SFXN3: variants seen among roughly 807,000 people sequenced by gnomAD.
The protein encoded by SFXN3 is sideroflexin-3.
SFXN3 carries 31 observed loss-of-function variants against 40.4 expected under a neutral mutation model. That is an observed-to-expected ratio of 0.77 (90% CI 0.58 to 1.04). The LOEUF is 1.04. SFXN3 is among the 50% of genes least tolerant of loss of function. SFXN3 has a pLI of 0.00. For synonymous variants in SFXN3, 157 were observed against 160.0 expected, an observed-to-expected ratio of 0.98 and a Z score of 0.14; for missense variants, 366 against 408.2, an observed-to-expected ratio of 0.90 and a Z score of 0.89.
At chr10:101,033,536 A>T (rs1228216235) in intron 2 of SFXN3, among the ~76,000 whole-genome samples, 3 of 152,050 alleles carry the variant, frequency 2.0e-5, no homozygotes, top group Non-Finnish European at 1.5e-5. Flanking sequence ...ACCTAGTTGA[A>T]GGGGTGGCCT....
rs1938809649 is a variant in SFXN3, at chr10:101,039,730, G to GCTA, written c.*145_*146insCTA. 7.1e-6 allele frequency: 5 copies of GCTA among 706,696 alleles called. No homozygotes were observed. The South Asian group carries it at 8.5e-5, about 12-fold the overall frequency. The allele number at this position is 706,696 out of a possible 1,614,324, so 43.8% of individuals were successfully genotyped here. A position where few individuals can be genotyped will look rare whatever the true frequency, so the allele number is the denominator to read the frequency against. On this transcript the variant is annotated 3_prime_UTR_variant, in exon 12 of 12. Transcript: ENST00000393459. This position sits in a 1 kb window ranked among gnomAD's most constrained non-coding sequence, Gnocchi z 4.6. ...CAATTGAGGGTAGCAACCTATTAGG[G>GCTA]TGGGGGAGGGACCTCCATAAGGCTT...
At chr10:101,038,599 G>T (rs746039656) in intron 9 of SFXN3, 44 bp from the exon 10 acceptor site, 4 of 1,613,678 alleles carry the variant, frequency 2.5e-6, no homozygotes, top group Non-Finnish European at 2.5e-6. Context: ...TGACAGTGAG[G>T]CAGGGGACAC....
intron 2 of SFXN3, 89 bp downstream of exon 2, chr10:101,032,571 C>G: frequency 7.2e-7 from 1 of 1,392,968 alleles, no homozygotes. Flanking sequence ...CTGGTGCAGT[C>G]AATGTCCTCG....
chr10:101,034,945 C>T (rs1243813341), intron 3 of SFXN3, 90 bp downstream of exon 3: 2 of 1,485,262 alleles, frequency 1.3e-6, no homozygotes, highest in Non-Finnish European at 1.8e-6. Flanking sequence ...TCAAGCTTGA[C>T]AGTGACCCTG....
rs1938640039 is a variant in SFXN3 at position 101,036,977 on chromosome 10, C to T, written c.594-99C>T. The stretch of plus-strand genomic sequence containing the variant: ...CAGGTGGGAGAACCAGCCTTTGAGC[C>T]TGGGGTGTGTGAGGGGACCCTGAGG... On this transcript the variant is annotated intron_variant, in intron 7 of 11. Coordinates refer to ENST00000393459, the Ensembl canonical transcript of SFXN3. The surrounding 1 kb of genome is among the most constrained non-coding windows in gnomAD (Gnocchi z 4.2). 3 of 1,553,750 alleles carry T rather than the reference C, an allele frequency of 1.9e-6. No individual in the cohort carries two copies. Among genetic ancestry groups the T allele is most frequent in the Non-Finnish European group, 2.6e-6 (3 of 1,148,982 alleles).
intron 1 of SFXN3, 137 bp downstream of exon 1, chr10:101,031,671 C>T (rs563332112): frequency 6.6e-6 from 1 of 152,370 alleles, no homozygotes; most frequent in East Asian, 1.9e-4. Context: ...CCGGAAGAAT[C>T]CTAAGAATCC....
At position 101,039,385 on chromosome 10, in the gene SFXN3, A is replaced by AAGG; in HGVS notation, c.870-101_870-99dup. 1.6e-6 allele frequency: 2 copies of AAGG among 1,256,444 alleles called. No homozygotes were observed. The highest frequency in any genetic ancestry group is 1.2e-6 in the Non-Finnish European group (1 of 858,446). 77.8% of individuals were successfully genotyped at this position (1,256,444 alleles called of 1,614,324 possible). A position where few individuals can be genotyped will look rare whatever the true frequency, so the allele number is the denominator to read the frequency against. ...AGTGAGCCAGTCCTTCTGGCAGTAG[A>AAGG]AGGAGAGGATTTTTCAGCCTGGGAG... On this transcript the variant is annotated intron_variant, in intron 11 of 11. Coordinates refer to ENST00000393459, the Ensembl canonical transcript of SFXN3. This position sits in a 1 kb window ranked among gnomAD's most constrained non-coding sequence, Gnocchi z 4.6.
In SFXN3 at chr10:101,032,309, C is replaced by T. The variant is rs900304272; in HGVS notation, c.-172-5C>T. 1.4e-6 allele frequency: 1 copy of T among 731,734 alleles called. No individual in the cohort carries two copies. The highest frequency in any genetic ancestry group is 2.1e-6 in the Non-Finnish European group (1 of 469,490). 45.3% of individuals were successfully genotyped at this position (731,734 alleles called of 1,614,324 possible). On this transcript the variant is annotated splice_region_variant and splice_polypyrimidine_tract_variant and intron_variant, in intron 1 of 11. Coordinates refer to ENST00000393459, the Ensembl canonical transcript of SFXN3. The stretch of plus-strand genomic sequence containing the variant: ...ATCGCCTCGAATGACACCCACCGCC[C>T]TCAGGTTCTGCCAATCCCCGTGCCC...
In SFXN3 at chr10:101,036,159, C is replaced by A; in HGVS notation, c.431+58C>A. 1.5e-6 allele frequency: 2 copies of A among 1,371,916 alleles called. No individual in the cohort carries two copies. Among genetic ancestry groups the A allele is most frequent in the Non-Finnish European group, 1.0e-6 (1 of 962,448 alleles). The allele number at this position is 1,371,916 out of a possible 1,614,324, so 85.0% of individuals were successfully genotyped here. A position where few individuals can be genotyped will look rare whatever the true frequency, so the allele number is the denominator to read the frequency against. On this transcript the variant is annotated intron_variant, in intron 5 of 11. Transcript: ENST00000393459. The surrounding 1 kb of genome is among the most constrained non-coding windows in gnomAD (Gnocchi z 4.2). ...TCCCATCTGACCCTCTCCTCCCAGC[C>A]TGCAGTGCCCTCTCCTTTCTCTCCG...
rs996148871 is a variant in SFXN3, at chr10:101,036,743, C to G, written c.528C>G (p.Gly176=). 1 of 1,612,186 alleles carries G rather than the reference C, an allele frequency of 6.2e-7. No homozygotes were observed. Among genetic ancestry groups the G allele is most frequent in the African/African-American group, 1.3e-5 (1 of 75,028 alleles). Residue 176 remains glycine, a synonymous_variant, in exon 7 of 12, where the codon GGC becomes GGG. Coordinates refer to ENST00000393459, the Ensembl canonical transcript of SFXN3. The surrounding 1 kb of genome is among the most constrained non-coding windows in gnomAD (Gnocchi z 4.2). ...CCCAGCACCTGCCCCCCTTGGTCGG[C>G]AGATTTGTGCCCTTTGCAGCAGTGG...
At position 101,039,521 on chromosome 10, in the gene SFXN3, T is replaced by C; in HGVS notation, c.902T>C (p.Leu301Pro). The change falls in exon 12 of 12, where the codon CTG becomes CCG. Residue 301 changes from leucine to proline, a missense_variant. By Grantham distance (98) the Leu-to-Pro change is moderately conservative. Coordinates refer to ENST00000393459, the Ensembl canonical transcript of SFXN3. The surrounding 1 kb of genome is among the most constrained non-coding windows in gnomAD (Gnocchi z 4.6). ...CACATAAGCAACCTGGAACCAGAGC[T>C]GAGAGCTCAGATCCATGAGCAAAAC... 8.1e-6 allele frequency: 13 copies of C among 1,614,072 alleles called. No homozygotes were observed. The highest frequency in any genetic ancestry group is 1.1e-5 in the Non-Finnish European group (13 of 1,179,938).
At position 101,039,302 on chromosome 10, in the gene SFXN3, G is replaced by C; in HGVS notation, c.869+80G>C. 2 of 1,402,130 alleles carry C rather than the reference G, an allele frequency of 1.4e-6. No homozygotes were observed. Among genetic ancestry groups the C allele is most frequent in the Non-Finnish European group, 2.0e-6 (2 of 1,005,848 alleles). The allele number at this position is 1,402,130 out of a possible 1,614,324, so 86.9% of individuals were successfully genotyped here. The stretch of plus-strand genomic sequence containing the variant: ...GGACCAGCTGACCTAGGGTCTTCCA[G>C]GGTGTTCAGGAGGAGGCCTGGCAGG... On this transcript the variant is annotated intron_variant, in intron 11 of 11. Coordinates refer to ENST00000393459, the Ensembl canonical transcript of SFXN3. The surrounding 1 kb of genome is among the most constrained non-coding windows in gnomAD (Gnocchi z 4.6).
Position 101,036,595 on chromosome 10 carries a change from C to A in SFXN3, c.507+34C>A. The A allele has an allele frequency of 6.2e-7, 1 of 1,613,598 alleles. No individual in the cohort carries two copies. The highest frequency in any genetic ancestry group is 8.5e-7 in the Non-Finnish European group (1 of 1,179,634). ...CCCTCACTCCCCTGACCACCCCATT[C>A]ATCCTCTATCTGCCTCCTTCTTCCT... On this transcript the variant is annotated intron_variant, in intron 6 of 11. Transcript: ENST00000393459. The surrounding 1 kb of genome is among the most constrained non-coding windows in gnomAD (Gnocchi z 4.2).
intron 2 of SFXN3, among the ~76,000 whole-genome samples, chr10:101,033,653 C>T (rs143348842): frequency 6.6e-6 from 1 of 152,244 alleles, no homozygotes; most frequent in African/African-American, 2.4e-5. Context: ...CCCAGGGGAC[C>T]GGCGTTCAGC....
intron 2 of SFXN3, 66 bp downstream of exon 2, chr10:101,032,548 G>T: frequency 6.8e-7 from 1 of 1,473,818 alleles, no homozygotes; most frequent in Non-Finnish European, 9.1e-7. Context: ...GGCCTGCCTT[G>T]AAACTGTCTG....
chr10:101,038,623 G>A lies in SFXN3; in HGVS notation c.772-20G>A. The stretch of plus-strand genomic sequence containing the variant: ...GGCAGGGGACACAAGCCGTTCCATT[G>A]TCTTTCTGTCTCTCCACAGCGCCGC... On this transcript the variant is annotated intron_variant, in intron 9 of 11. Transcript: ENST00000393459. 1 of 1,613,938 alleles carries A rather than the reference G, an allele frequency of 6.2e-7. No individual in the cohort carries two copies. Among genetic ancestry groups the A allele is most frequent in the Non-Finnish European group, 8.5e-7 (1 of 1,180,006 alleles).
At chr10:101,033,491 C>T (rs966389601) in intron 2 of SFXN3, among the ~76,000 whole-genome samples, 1 of 152,106 alleles carries the variant, frequency 6.6e-6, no homozygotes, top group Non-Finnish European at 1.5e-5. Context: ...GGACATTGCC[C>T]AGGAAACAGC....
chr10:101,038,499 T>C (rs1289835510), intron 9 of SFXN3, 144 bp from the exon 10 acceptor site: 2 of 1,522,374 alleles, frequency 1.3e-6, no homozygotes, highest in Non-Finnish European at 1.8e-6. Context: ...GTCCCAGCCC[T>C]GTCATTGCCT....
intron 2 of SFXN3, among the ~76,000 whole-genome samples, chr10:101,033,242 G>C (rs967148302): frequency 1.3e-5 from 2 of 152,168 alleles, no homozygotes; most frequent in Non-Finnish European, 2.9e-5. Flanking sequence ...TTGTATCCAG[G>C]TCTCAGTGCA....
Sources: gnomAD v4.1 joint callset for allele counts (sites outside exome capture counted in the v4.1 genomes callset) on GRCh38, gnomAD v4.1.1 for gene constraint, Gnocchi (gnomAD v3.1) non-coding constraint, MANE v1.5 for transcripts, NCBI Gene and HGNC (gene_info 2026-07-23, HGNC 2026-07-21) for gene names.